Variants in TUBGCP4 observed in about 807,000 individuals in gnomAD.
TUBGCP4 encodes the protein tubulin gamma complex component 4, also known as gamma-tubulin complex component 4.
TUBGCP4 carries 54 observed loss-of-function variants against 91.6 expected under a neutral mutation model. The ratio of observed to expected loss-of-function variants is 0.59; its 90% CI spans 0.47 to 0.74. The LOEUF is 0.74. TUBGCP4 is among the 30% of genes least tolerant of loss of function. The pLI, the probability that TUBGCP4 is intolerant of heterozygous loss-of-function variation, is 0.00. For missense variants in TUBGCP4, 593 were observed against 800.9 expected, an observed-to-expected ratio of 0.74 and a Z score of 3.13; for synonymous variants, 297 against 302.8, an observed-to-expected ratio of 0.98 and a Z score of 0.20.
At position 43,409,332 on chromosome 15, in the gene TUBGCP4, C is replaced by T; in HGVS notation, c.*4118C>T. 1 of 586,868 alleles carries T rather than the reference C, an allele frequency of 1.7e-6. No individual in the cohort carries two copies. The highest frequency in any genetic ancestry group is 3.0e-6 in the Non-Finnish European group (1 of 330,266). 36.4% of individuals were successfully genotyped at this position (586,868 alleles called of 1,614,324 possible). Reference sequence around the variant, plus strand: ...AGGACCTAAATCCTCAACGGACAACCAAAACCTATGAACTCAGCCTTTCAG... The same window carrying T: ...AGGACCTAAATCCTCAACGGACAACTAAAACCTATGAACTCAGCCTTTCAG... On this transcript the variant is annotated 3_prime_UTR_variant, in exon 18 of 18. Transcript: ENST00000564079.
Position 43,377,919 on chromosome 15 carries a change from A to T in TUBGCP4, c.441+16A>T. On this transcript the variant is annotated intron_variant, in intron 5 of 17. Coordinates refer to ENST00000564079, the MANE Select transcript of TUBGCP4 (RefSeq NM_014444.5). ...AAGTCAAAAGGTGAGAACTTTCCTT[A>T]TTCCTTTTGCTTTGCTAAGCACTGA... 6.3e-7 allele frequency: 1 copy of T among 1,586,140 alleles called. No homozygotes were observed. The highest frequency in any genetic ancestry group is 8.6e-7 in the Non-Finnish European group (1 of 1,168,310).
Position 43,376,617 on chromosome 15 carries a change from G to T in TUBGCP4, c.322G>T (p.Glu108Ter). 6.2e-7 allele frequency: 1 copy of T among 1,614,140 alleles called. No homozygotes were observed. The highest frequency in any genetic ancestry group is 1.1e-5 in the South Asian group (1 of 91,082). The change falls in exon 3 of 18, where the codon GAA becomes TAA. Residue 108 changes from glutamate (E) to a stop codon, truncating the protein, a stop_gained. Transcript: ENST00000564079. LOFTEE classifies it high-confidence loss of function. The part of the protein sequence containing the change: ...QPYRQALLDL[E>*]QEFLGDPHLS... The stretch of plus-strand genomic sequence containing the variant: ...TTATCGCCAAGCACTGCTTGATTTG[G>T]AACAAGAGGTAAGAAGGAGGAGATA...
Position 43,409,274 on chromosome 15 carries a change from A to C in TUBGCP4, c.*4060A>C. 3.2e-6 allele frequency: 2 copies of C among 624,696 alleles called. No homozygotes were observed. The highest frequency in any genetic ancestry group is 3.9e-5 in the South Asian group (2 of 51,272). The allele number at this position is 624,696 out of a possible 1,614,324, so 38.7% of individuals were successfully genotyped here. A position where few individuals can be genotyped will look rare whatever the true frequency, so the allele number is the denominator to read the frequency against. On this transcript the variant is annotated 3_prime_UTR_variant, in exon 18 of 18. Coordinates refer to ENST00000564079, the MANE Select transcript of TUBGCP4 (RefSeq NM_014444.5). ...ACTGGAAGGCCCAAGTAATTTCCATAGATGTTCTCTCTGCCTCACCTGCAG... is the reference window on the plus strand; with the variant it reads ...ACTGGAAGGCCCAAGTAATTTCCATCGATGTTCTCTCTGCCTCACCTGCAG...
chr15:43,407,833 A>G lies in TUBGCP4; in HGVS notation c.*2619A>G. 8.7e-7 allele frequency: 1 copy of G among 1,151,670 alleles called. No homozygotes were observed. The highest frequency in any genetic ancestry group is 1.2e-6 in the Non-Finnish European group (1 of 816,316). The allele number at this position is 1,151,670 out of a possible 1,614,324, so 71.3% of individuals were successfully genotyped here. ...AGGTGGTACTTTTCTTCTCTAAGAA[A>G]CATGGATACGGTCAACCTATTAGGC... On this transcript the variant is annotated 3_prime_UTR_variant, in exon 18 of 18. Coordinates refer to ENST00000564079, the MANE Select transcript of TUBGCP4 (RefSeq NM_014444.5).
intron 6 of TUBGCP4, among the ~76,000 whole-genome samples, chr15:43,381,516 C>A (rs940455980): frequency 6.6e-6 from 1 of 152,072 alleles, no homozygotes. Flanking sequence ...GCAGAGGGAT[C>A]GCTTGAGCCC....
intron 1 of TUBGCP4, among the ~76,000 whole-genome samples, chr15:43,373,240 C>G (rs1227879348): frequency 1.3e-5 from 2 of 152,180 alleles, no homozygotes; most frequent in Non-Finnish European, 2.9e-5. Flanking sequence ...GACCATTATT[C>G]TAATGCAGGA....
chr15:43,379,148 G>T (rs1248335310), intron 5 of TUBGCP4, among the ~76,000 whole-genome samples: 1 of 152,208 alleles, frequency 6.6e-6, no homozygotes, highest in African/African-American at 2.4e-5. Flanking sequence ...TTTAAAATCA[G>T]GTGGTCAAAA....
chr15:43,389,224 A>G (rs1354519875), intron 9 of TUBGCP4, among the ~76,000 whole-genome samples: 1 of 152,146 alleles, frequency 6.6e-6, no homozygotes, highest in Non-Finnish European at 1.5e-5. Context: ...CATTTTAATT[A>G]TGTCTTTAGT....
chr15:43,405,598 A>T lies in TUBGCP4; in HGVS notation c.*384A>T, dbSNP rs2044842533. 1 of 197,310 alleles carries T rather than the reference A, an allele frequency of 5.1e-6. No individual in the cohort carries two copies. The highest frequency in any genetic ancestry group is 1.0e-5 in the Non-Finnish European group (1 of 97,056). The allele number at this position is 197,310 out of a possible 1,614,324, so 12.2% of individuals were successfully genotyped here. A position where few individuals can be genotyped will look rare whatever the true frequency, so the allele number is the denominator to read the frequency against. ...TAAATATTTTATGGTTCATATGTGA[A>T]AAAGTAATTATGTTTATAAATAGAC... On this transcript the variant is annotated 3_prime_UTR_variant, in exon 18 of 18. Transcript: ENST00000564079.
At chr15:43,377,625 A>AG in intron 4 of TUBGCP4, 1 of 478,116 alleles carries the variant, frequency 2.1e-6, no homozygotes. Context: ...AAAAAAAAAA[A>AG]AAAGAAAAAA....
chr15:43,408,178 T>C lies in TUBGCP4; in HGVS notation c.*2964T>C. On this transcript the variant is annotated 3_prime_UTR_variant, in exon 18 of 18. Coordinates refer to ENST00000564079, the MANE Select transcript of TUBGCP4 (RefSeq NM_014444.5). ...AAGGGACTCATGTACATCTGAATGCTTTCAAAAATAAATGCCCCATCAGAC... is the reference window on the plus strand; with the variant it reads ...AAGGGACTCATGTACATCTGAATGCCTTCAAAAATAAATGCCCCATCAGAC... The C allele has an allele frequency of 7.5e-7, 1 of 1,328,058 alleles. No homozygotes were observed. The highest frequency in any genetic ancestry group is 1.0e-6 in the Non-Finnish European group (1 of 963,636). 82.3% of individuals were successfully genotyped at this position (1,328,058 alleles called of 1,614,324 possible).
Position 43,401,835 on chromosome 15 carries a change from T to A in TUBGCP4, c.1716T>A (p.Phe572Leu). 6.2e-7 allele frequency: 1 copy of A among 1,614,176 alleles called. No homozygotes were observed. The highest frequency in any genetic ancestry group is 8.5e-7 in the Non-Finnish European group (1 of 1,180,018). ...TGAGCAATTTGCTGGCTCAATCCTT[T>A]ATCCTATTGAAACCTGTAAGTAAGG... ...HFLSNLLAQS[F>L]ILLKPVFHCL... Residue 572 changes from phenylalanine to leucine, a missense_variant, in exon 15 of 18, where the codon TTT becomes TTA. By Grantham distance (22) the Phe-to-Leu change is conservative. Coordinates refer to ENST00000564079, the MANE Select transcript of TUBGCP4 (RefSeq NM_014444.5).
At chr15:43,387,890 C>A (rs1211123104) in intron 9 of TUBGCP4, among the ~76,000 whole-genome samples, 1 of 152,022 alleles carries the variant, frequency 6.6e-6, no homozygotes, top group Non-Finnish European at 1.5e-5. Flanking sequence ...GCTTTGTCAC[C>A]CAGGCTGAAG....
At position 43,409,734 on chromosome 15, in the gene TUBGCP4, C is replaced by CA; in HGVS notation, c.*4525dup. 1 of 1,510,434 alleles carries CA rather than the reference C, an allele frequency of 6.6e-7. No individual in the cohort carries two copies. The highest frequency in any genetic ancestry group is 9.0e-7 in the Non-Finnish European group (1 of 1,117,202). 93.6% of individuals were successfully genotyped at this position (1,510,434 alleles called of 1,614,324 possible). A position where few individuals can be genotyped will look rare whatever the true frequency, so the allele number is the denominator to read the frequency against. ...ACTGCTTGTTGAAAGGAGGAATTTC[C>CA]AAAAATTCTATATTAAAAAAAAAAA... is the stretch of plus-strand genomic sequence containing the variant. On this transcript the variant is annotated 3_prime_UTR_variant, in exon 18 of 18. Transcript: ENST00000564079.
intron 7 of TUBGCP4, among the ~76,000 whole-genome samples, chr15:43,384,522 G>A (rs755904676): frequency 2.6e-5 from 4 of 152,172 alleles, no homozygotes; most frequent in Non-Finnish European, 5.9e-5. Flanking sequence ...GGGCCATTAA[G>A]GACATGGTTC....
intron 1 of TUBGCP4, among the ~76,000 whole-genome samples, chr15:43,372,082 G>A (rs1330909642): frequency 6.6e-6 from 1 of 152,160 alleles, no homozygotes; most frequent in East Asian, 1.9e-4. Context: ...TAGTTTTGAA[G>A]CCAGGTCTGT....
intron 16 of TUBGCP4, 147 bp from the exon 17 acceptor site, chr15:43,404,266 T>G (rs1462023018): frequency 2.3e-6 from 2 of 864,516 alleles, no homozygotes; most frequent in Non-Finnish European, 3.5e-6. Context: ...TTTTAGGAAC[T>G]AATAGAAATA....
In TUBGCP4 at chr15:43,407,924, C is replaced by CA; in HGVS notation, c.*2711dup. The stretch of plus-strand genomic sequence containing the variant: ...GGAGATCCCTGGAACAAAGACACTA[C>CA]ACACACTCTTTCAGGTACCTTTGTT... On this transcript the variant is annotated 3_prime_UTR_variant, in exon 18 of 18. Transcript: ENST00000564079. 6.2e-7 allele frequency: 1 copy of CA among 1,605,728 alleles called. No individual in the cohort carries two copies. The highest frequency in any genetic ancestry group is 1.1e-5 in the South Asian group (1 of 90,438).
chr15:43,393,344 G>A (rs1442004888), intron 9 of TUBGCP4, among the ~76,000 whole-genome samples: 1 of 151,352 alleles, frequency 6.6e-6, no homozygotes, highest in African/African-American at 2.4e-5. Flanking sequence ...CGAGCAGCTG[G>A]GATTACAGGC....
Sources: allele counts gnomAD v4.1 joint callset (sites outside exome capture counted in the v4.1 genomes callset), GRCh38; gene constraint gnomAD v4.1.1; transcripts MANE v1.5; gene names NCBI Gene and HGNC (gene_info 2026-07-23, HGNC 2026-07-21).